The following PIGK variants were observed in gnomAD, a reference collection of about 807,000 sequenced individuals.
PIGK encodes the protein GPI-anchor transamidase.
In PIGK, 42 loss-of-function variants were observed where a neutral mutation model predicts 50.6. That is an observed-to-expected ratio of 0.83 (90% CI 0.65 to 1.07). The LOEUF (loss-of-function observed/expected upper bound fraction) is 1.07, where lower values mean the gene tolerates loss of function less well. PIGK is among the 50% of genes least tolerant of loss of function. The pLI is 0.00. For missense variants in PIGK, 448 were observed against 488.7 expected, an observed-to-expected ratio of 0.92 and a Z score of 0.78; for synonymous variants, 151 against 156.0, an observed-to-expected ratio of 0.97 and a Z score of 0.24.
chr1:77,141,058 A>G (rs1333922676), intron 9 of PIGK, among the ~76,000 whole-genome samples: 1 of 152,174 alleles, frequency 6.6e-6, no homozygotes, highest in Non-Finnish European at 1.5e-5. Context: ...CTCAATATAC[A>G]TGCTCTAAAT....
At chr1:77,105,233 C>T (rs570089787) in intron 10 of PIGK, among the ~76,000 whole-genome samples, 1 of 152,164 alleles carries the variant, frequency 6.6e-6, no homozygotes, top group Non-Finnish European at 1.5e-5. Context: ...GTCCAGCCAT[C>T]TCCCTCCCTA....
At chr1:77,133,959 C>T (rs1448845893) in intron 9 of PIGK, among the ~76,000 whole-genome samples, 3 of 152,190 alleles carry the variant, frequency 2.0e-5, no homozygotes, top group Non-Finnish European at 4.4e-5. Flanking sequence ...GTTAGTAACC[C>T]TTTATCAGAG....
At chr1:77,185,040 C>T (rs965647849) in intron 3 of PIGK, among the ~76,000 whole-genome samples, 3 of 152,148 alleles carry the variant, frequency 2.0e-5, no homozygotes, top group Non-Finnish European at 2.9e-5. Flanking sequence ...AACCAAGTGG[C>T]GACTCCAATT....
intron 9 of PIGK, among the ~76,000 whole-genome samples, chr1:77,137,104 G>T (rs1366084030): frequency 6.6e-6 from 1 of 152,096 alleles, no homozygotes; most frequent in Non-Finnish European, 1.5e-5. Flanking sequence ...GAATAACAGG[G>T]CTCCAGTTTC....
At chr1:77,194,729 C>T (rs925520943) in intron 3 of PIGK, 4 of 319,048 alleles carry the variant, frequency 1.3e-5, no homozygotes, top group African/African-American at 2.2e-5. Flanking sequence ...GTACACCAAA[C>T]CCTGTGATAC....
At chr1:77,132,130 A>AT (rs1474571042) in intron 9 of PIGK, among the ~76,000 whole-genome samples, 2 of 151,934 alleles carry the variant, frequency 1.3e-5, no homozygotes, top group African/African-American at 2.4e-5. Context: ...CTCCAAAGTG[A>AT]TTTTTATATC....
At chr1:77,131,820 GA>G (rs1378363703) in intron 9 of PIGK, among the ~76,000 whole-genome samples, 1 of 151,990 alleles carries the variant, frequency 6.6e-6, no homozygotes. Flanking sequence ...GTACATCTGT[GA>G]TCACAAGTGA....
chr1:77,091,936 A>T lies in PIGK; in HGVS notation c.*438T>A, dbSNP rs983761880. 7.2e-5 allele frequency: 11 copies of T among 153,024 alleles called. No homozygotes were observed. The highest frequency in any genetic ancestry group is 2.7e-4 in the African/African-American group (11 of 41,452). The allele number at this position is 153,024 out of a possible 1,614,324, so 9.5% of individuals were successfully genotyped here. ...TTGTAAAATGAAAAAAGACATTACA[A>T]AATAGTACATTCCATATGATCTCCA... On this transcript the variant is annotated 3_prime_UTR_variant, in exon 11 of 11. Transcript: ENST00000370812.
intron 3 of PIGK, among the ~76,000 whole-genome samples, chr1:77,177,205 ACT>A (rs3032934): frequency 0.037 from 5,627 of 152,294 alleles, 202 homozygotes; most frequent in South Asian, 0.21. Flanking sequence ...TTTATGGTTC[ACT>A]GAGGACAGTC....
intron 3 of PIGK, chr1:77,195,450 T>C: frequency 1.1e-6 from 1 of 930,158 alleles, no homozygotes; most frequent in Non-Finnish European, 1.6e-6. Context: ...TTTTGGTCAA[T>C]AAAATAGTTT....
intron 3 of PIGK, among the ~76,000 whole-genome samples, chr1:77,171,436 CAAAAAAAA>C (rs58788160): frequency 0.33 from 15,293 of 46,802 alleles, 1,185 homozygotes; most frequent in East Asian, 0.48. Flanking sequence ...GACTCCACCT[CAAAAAAAA>C]AAAAAAAAAA....
chr1:77,110,231 A>C (rs1484269499), intron 10 of PIGK, among the ~76,000 whole-genome samples: 2 of 152,182 alleles, frequency 1.3e-5, no homozygotes, highest in Admixed American at 1.3e-4. Flanking sequence ...AGTGCCAATG[A>C]CTTTCTTCAC....
chr1:77,151,526 G>A (rs555705470), intron 9 of PIGK, among the ~76,000 whole-genome samples: 26 of 152,176 alleles, frequency 1.7e-4, no homozygotes, highest in Non-Finnish European at 2.5e-4. Flanking sequence ...GAAATAAGGC[G>A]TGTCCAAATT....
chr1:77,098,782 C>A (rs900717330), intron 10 of PIGK, among the ~76,000 whole-genome samples: 2 of 151,934 alleles, frequency 1.3e-5, no homozygotes, highest in African/African-American at 4.8e-5. Flanking sequence ...CAGTAAGACA[C>A]AAGGGTATAT....
At chr1:77,174,835 C>A (rs1655446679) in intron 3 of PIGK, among the ~76,000 whole-genome samples, 1 of 152,032 alleles carries the variant, frequency 6.6e-6, no homozygotes, top group South Asian at 2.1e-4. Flanking sequence ...TGGCCCTGTT[C>A]CTCCAAGGAC....
intron 3 of PIGK, among the ~76,000 whole-genome samples, chr1:77,172,070 A>ATTTTTTTT (rs34115617): frequency 1.8e-4 from 23 of 130,906 alleles, no homozygotes; most frequent in East Asian, 2.2e-4. Flanking sequence ...TCTACATTTA[A>ATTTTTTTT]TTTTTTTTTT....
intron 10 of PIGK, among the ~76,000 whole-genome samples, chr1:77,119,556 T>C (rs1199260611): frequency 2.0e-5 from 3 of 152,346 alleles, no homozygotes; most frequent in East Asian, 1.9e-4. Context: ...TATACAGTCA[T>C]ATTTTCTAGG....
At chr1:77,103,106 TGTAA>T (rs1272312438) in intron 10 of PIGK, among the ~76,000 whole-genome samples, 1 of 152,194 alleles carries the variant, frequency 6.6e-6, no homozygotes, top group Non-Finnish European at 1.5e-5. Context: ...AGAAATACTT[TGTAA>T]GTAATACTGA....
intron 1 of PIGK, 42 bp from the exon 2 acceptor site, chr1:77,210,531 T>G (rs1375360762): frequency 3.0e-6 from 4 of 1,328,482 alleles, no homozygotes; most frequent in Non-Finnish European, 4.2e-6. Flanking sequence ...GCACAATTTC[T>G]CAGAATAAAG....
Sources: allele counts gnomAD v4.1 joint callset (sites outside exome capture counted in the v4.1 genomes callset), GRCh38; gene constraint gnomAD v4.1.1; transcripts MANE v1.5; gene names NCBI Gene and HGNC (gene_info 2026-07-23, HGNC 2026-07-21).